AGAP3: variants seen among roughly 807,000 people sequenced by gnomAD.
AGAP3 encodes ArfGAP with GTPase domain, ankyrin repeat and PH domain 3.
Under a neutral mutation model 96.9 loss-of-function variants are expected in AGAP3, and 24 were observed. That is an observed-to-expected ratio of 0.25 (90% CI 0.18 to 0.35). The LOEUF is 0.35. Ranked by LOEUF, AGAP3 falls within the 10% of genes least tolerant of loss-of-function variation. The probability of loss-of-function intolerance (pLI) is 1.00; values close to 1 mark genes in which losing one functional copy is unlikely to be tolerated. For missense variants in AGAP3, 876 were observed against 1,254.2 expected (o/e 0.70, Z 4.55); for synonymous variants, 563 against 536.1 (o/e 1.05, Z -0.69).
Position 151,098,733 on chromosome 7 carries a change from CTT to C in AGAP3, c.331+11679_331+11680del, listed in dbSNP as rs34617813. 5.3e-3 allele frequency among the ~76,000 whole-genome samples: 616 copies of C among 116,098 alleles called. 4 individuals carry two copies. The highest frequency in any genetic ancestry group is 0.022 in the Middle Eastern group (5 of 226). The allele number at this position is 116,098 out of a possible 152,430, so 76.2% of individuals were successfully genotyped here. On this transcript the variant is annotated intron_variant, in intron 1 of 17. Transcript: ENST00000397238. ...ATCCTCTTTGATTCAATTTTCTTTT[CTT>C]TTTTTTTTTTTTTTTTTGAGACAGT... is the stretch of plus-strand genomic sequence containing the variant.
intron 1 of AGAP3, among the ~76,000 whole-genome samples, chr7:151,111,130 C>T (rs1799263992): frequency 6.6e-6 from 1 of 152,228 alleles, no homozygotes; most frequent in Non-Finnish European, 1.5e-5. Flanking sequence ...GTGTGGCCCC[C>T]ACTGCCTCCC....
intron 8 of AGAP3, chr7:151,122,602 C>A: frequency 9.1e-7 from 1 of 1,096,378 alleles, no homozygotes. Flanking sequence ...CCTCCTCCTC[C>A]TCCTCTTCAT....
Position 151,143,497 on chromosome 7 carries a change from A to C in AGAP3, c.2430A>C (p.Lys810Asn). 1 of 1,614,196 alleles carries C rather than the reference A, an allele frequency of 6.2e-7. No individual in the cohort carries two copies. The highest frequency in any genetic ancestry group is 8.5e-7 in the Non-Finnish European group (1 of 1,180,030). ...TGATGCTCCTGGCACATGGCTCCAA[A>C]GAGGAGGTGAATGAGACCTATGGGG... ...LLVMLLAHGS[K>N]EEVNETYGDG... The change falls in exon 17 of 18, where the codon AAA (lysine) becomes AAC (asparagine). Residue 810 changes from lysine to asparagine, a missense_variant. Coordinates refer to ENST00000397238, the MANE Select transcript of AGAP3 (RefSeq NM_031946.7). The surrounding 1 kb of genome is among the most constrained non-coding windows in gnomAD (Gnocchi z 5.9).
Position 151,115,297 on chromosome 7 carries a change from C to CGGAGGGGCCCCGGCGCGGCCT in AGAP3, c.332-1493_332-1473dup, listed in dbSNP as rs1799508041. ...CCAGTGCTGCGCGGCGGGCGCGGGC[C>CGGAGGGGCCCCGGCGCGGCCT]GGAGGGGCCCCGGCGCGGCCTGGCG... On this transcript the variant is annotated intron_variant, in intron 1 of 17. Transcript: ENST00000397238. 7 of 1,004,214 alleles carry CGGAGGGGCCCCGGCGCGGCCT rather than the reference C, an allele frequency of 7.0e-6. No homozygotes were observed. The South Asian group carries it at 3.1e-4, about 45-fold the overall frequency. 62.2% of individuals were successfully genotyped at this position (1,004,214 alleles called of 1,614,324 possible). A position where few individuals can be genotyped will look rare whatever the true frequency, so the allele number is the denominator to read the frequency against.
intron 1 of AGAP3, among the ~76,000 whole-genome samples, chr7:151,104,478 A>G (rs186046087): frequency 1.3e-5 from 2 of 152,352 alleles, no homozygotes; most frequent in East Asian, 3.9e-4. Context: ...ACAGGCCAAA[A>G]GAAAAGAAAG....
chr7:151,138,370 G>A (rs1800688375), intron 12 of AGAP3, 57 bp downstream of exon 12: 1 of 1,531,368 alleles, frequency 6.5e-7, no homozygotes, highest in Non-Finnish European at 8.8e-7. Flanking sequence ...ACAGAGAGGA[G>A]GGGAACTGGG....
chr7:151,109,738 C>A (rs1184074794), intron 1 of AGAP3, among the ~76,000 whole-genome samples: 1 of 152,148 alleles, frequency 6.6e-6, no homozygotes, highest in Non-Finnish European at 1.5e-5. Context: ...AGGGACCAGC[C>A]CAGGAATCAA....
rs143884057 is a variant in AGAP3 at position 151,087,323 on chromosome 7, G to T, written c.331+251G>T. 1,269 of 526,354 alleles carry T rather than the reference G, an allele frequency of 2.4e-3. 5 individuals carry two copies. Among genetic ancestry groups the T allele is most frequent in the Non-Finnish European group, 3.6e-3 (1,028 of 288,878 alleles). The allele number at this position is 526,354 out of a possible 1,614,324, so 32.6% of individuals were successfully genotyped here. On this transcript the variant is annotated intron_variant, in intron 1 of 17. Transcript: ENST00000397238. Reference sequence around the variant, plus strand: ...CAGGGCGCGAAGGTGGTGTCGCTTGGGGGGGCCGGGACCAGATCTGTCCAG... The same window carrying T: ...CAGGGCGCGAAGGTGGTGTCGCTTGTGGGGGCCGGGACCAGATCTGTCCAG...
At chr7:151,106,243 C>G (rs1233543615) in intron 1 of AGAP3, among the ~76,000 whole-genome samples, 1 of 152,050 alleles carries the variant, frequency 6.6e-6, no homozygotes, top group Non-Finnish European at 1.5e-5. Context: ...AAGAAAATCA[C>G]TCCTCAAAAC....
At chr7:151,087,211 C>T (rs937372400) in intron 1 of AGAP3, 139 bp downstream of exon 1, 5 of 927,324 alleles carry the variant, frequency 5.4e-6, no homozygotes, top group Non-Finnish European at 8.2e-6. Context: ...CGAGGTTTGC[C>T]GATCTGTGTT....
In AGAP3 at chr7:151,087,088, G is replaced by C. The variant is rs767019478; in HGVS notation, c.331+16G>C. ...TCCATCGAGGGTGAGCGGAGCCGGG[G>C]GCTGCGGGAGCCGGGGCGCAGTGGC... On this transcript the variant is annotated intron_variant, in intron 1 of 17. Coordinates refer to ENST00000397238, the MANE Select transcript of AGAP3 (RefSeq NM_031946.7). 2 of 1,579,280 alleles carry C rather than the reference G, an allele frequency of 1.3e-6. No individual in the cohort carries two copies. Among genetic ancestry groups the C allele is most frequent in the Non-Finnish European group, 1.7e-6 (2 of 1,162,514 alleles).
intron 1 of AGAP3, among the ~76,000 whole-genome samples, chr7:151,111,781 G>A (rs1799298496): frequency 6.6e-6 from 1 of 152,196 alleles, no homozygotes; most frequent in Admixed American, 6.5e-5. Flanking sequence ...GCATTTGTGA[G>A]AGATTTCCTC....
chr7:151,131,472 A>AC (rs1800399463), intron 10 of AGAP3, among the ~76,000 whole-genome samples: 1 of 152,072 alleles, frequency 6.6e-6, no homozygotes, highest in East Asian at 1.9e-4. Context: ...AGCCGTGGTG[A>AC]CCGCTCTCCT....
At chr7:151,116,763 G>T (rs1799605451) in intron 1 of AGAP3, 30 bp from the exon 2 acceptor site, 1 of 1,613,592 alleles carries the variant, frequency 6.2e-7, no homozygotes. Context: ...TGCCACCCTG[G>T]CCCTGACGGG....
rs765380042 is a variant in AGAP3, at chr7:151,116,896, G to A, written c.390+45G>A. ...AGCACCGGCGGCCTGGAGCTGGGGG[G>A]GCGAGGCTGGGTGCCGCGGGCCTGG... On this transcript the variant is annotated intron_variant, in intron 2 of 17. Coordinates refer to ENST00000397238, the MANE Select transcript of AGAP3 (RefSeq NM_031946.7). The A allele has an allele frequency of 6.5e-5, 104 of 1,611,140 alleles. No individual in the cohort carries two copies. In the Admixed American group the frequency reaches 1.7e-3, roughly 26 times the overall value.
In AGAP3 at chr7:151,140,040, C is replaced by T; in HGVS notation, c.1728C>T (p.His576=). Residue 576 remains histidine (H), a synonymous_variant, in exon 13 of 18, where the codon CAC becomes CAT. Transcript: ENST00000397238. The surrounding 1 kb of genome is among the most constrained non-coding windows in gnomAD (Gnocchi z 5.4). ...AGCTGGATCCTCCCCCATCTCCCCA[C>T]TCCAACCGGAAGAAGCACCGGAGGA... ...SPKLDPPPSP[H]SNRKKHRRKK... 6.2e-7 allele frequency: 1 copy of T among 1,606,906 alleles called. No individual in the cohort carries two copies. The highest frequency in any genetic ancestry group is 8.5e-7 in the Non-Finnish European group (1 of 1,177,094).
intron 1 of AGAP3, among the ~76,000 whole-genome samples, chr7:151,089,323 G>A (rs943733240): frequency 3.3e-5 from 5 of 152,192 alleles, no homozygotes; most frequent in African/African-American, 7.2e-5. Context: ...GCGTTTCCGA[G>A]CACAGTCTGA....
At chr7:151,126,055 T>G (rs994494226) in intron 9 of AGAP3, among the ~76,000 whole-genome samples, 96 of 128,966 alleles carry the variant, frequency 7.4e-4, no homozygotes, top group Middle Eastern at 4.0e-3. Context: ...AGCGGGCGGG[T>G]GGGTGGGGTG....
rs779429320 is a variant in AGAP3, at chr7:151,142,079, C to T, written c.1959+27C>T. 3.1e-6 allele frequency: 5 copies of T among 1,608,430 alleles called. No homozygotes were observed. The highest frequency in any genetic ancestry group is 4.3e-6 in the Non-Finnish European group (5 of 1,176,012). The stretch of plus-strand genomic sequence containing the variant: ...TGGGTACAGAGTGACTGGGCCCACA[C>T]AGAGCACCTGGCTGGGGTGGGACTG... On this transcript the variant is annotated intron_variant, in intron 14 of 17. Transcript: ENST00000397238. This position sits in a 1 kb window ranked among gnomAD's most constrained non-coding sequence, Gnocchi z 7.5.
Sources: gnomAD v4.1 joint callset for allele counts (sites outside exome capture counted in the v4.1 genomes callset) on GRCh38, gnomAD v4.1.1 for gene constraint, Gnocchi (gnomAD v3.1) non-coding constraint, MANE v1.5 for transcripts, NCBI Gene and HGNC (gene_info 2026-07-23, HGNC 2026-07-21) for gene names.